Variants in SVEP1 observed in about 807,000 individuals in gnomAD.
SVEP1 encodes sushi, von Willebrand factor type A, EGF and pentraxin domain-containing protein 1.
SVEP1 carries 164 observed loss-of-function variants against 367.3 expected under a neutral mutation model. The ratio of observed to expected loss-of-function variants is 0.45; its 90% CI spans 0.39 to 0.51. SVEP1 has a LOEUF of 0.51. Ranked by LOEUF, SVEP1 falls within the 20% of genes least tolerant of loss-of-function variation. The probability of loss-of-function intolerance (pLI) is 0.00; values close to 1 mark genes in which losing one functional copy is unlikely to be tolerated. For synonymous variants in SVEP1, 1,666 were observed against 1,611.6 expected (o/e 1.03, Z -0.81); for missense variants, 4,117 against 4,425.3 (o/e 0.93, Z 1.98).
intron 1 of SVEP1, among the ~76,000 whole-genome samples, chr9:110,554,277 T>C (rs898355833): frequency 1.3e-5 from 2 of 151,938 alleles, no homozygotes; most frequent in Non-Finnish European, 2.9e-5. Context: ...AGCTTGAGAG[T>C]CTGCTTATGA....
chr9:110,415,729 G>A (rs1177715523), intron 36 of SVEP1, among the ~76,000 whole-genome samples: 2 of 151,896 alleles, frequency 1.3e-5, no homozygotes, highest in East Asian at 1.9e-4. Context: ...AATACTTGAC[G>A]AATTACAACA....
At chr9:110,533,373 C>T (rs901455271) in intron 3 of SVEP1, among the ~76,000 whole-genome samples, 2 of 152,172 alleles carry the variant, frequency 1.3e-5, no homozygotes, top group Non-Finnish European at 2.9e-5. Context: ...GACTAGGAAA[C>T]TCATGTCATA....
chr9:110,438,954 T>C (rs1291299296), intron 27 of SVEP1, among the ~76,000 whole-genome samples: 2 of 152,198 alleles, frequency 1.3e-5, no homozygotes, highest in African/African-American at 2.4e-5. Context: ...ACTCAGTATG[T>C]CGAAAACCAT....
chr9:110,554,375 A>G (rs1462144940), intron 1 of SVEP1, among the ~76,000 whole-genome samples: 1 of 152,206 alleles, frequency 6.6e-6, no homozygotes, highest in Non-Finnish European at 1.5e-5. Flanking sequence ...TGGCAGATAC[A>G]CAAAAATGGA....
At chr9:110,567,655 G>T (rs1267010308) in intron 1 of SVEP1, among the ~76,000 whole-genome samples, 1 of 152,178 alleles carries the variant, frequency 6.6e-6, no homozygotes, top group East Asian at 1.9e-4. Flanking sequence ...TGCTTAGCAG[G>T]CAATAAAGTG....
At chr9:110,394,126 C>T (rs1259207710) in intron 40 of SVEP1, among the ~76,000 whole-genome samples, 1 of 152,066 alleles carries the variant, frequency 6.6e-6, no homozygotes, top group Non-Finnish European at 1.5e-5. Flanking sequence ...CGGACTGACA[C>T]CTCACATGGC....
At chr9:110,490,564 G>A (rs1045325621) in intron 8 of SVEP1, among the ~76,000 whole-genome samples, 1 of 151,834 alleles carries the variant, frequency 6.6e-6, no homozygotes, top group Non-Finnish European at 1.5e-5. Context: ...GCTCTCACCT[G>A]AGATATTTGT....
At chr9:110,383,316 C>T (rs141299821) in intron 43 of SVEP1, among the ~76,000 whole-genome samples, 2 of 152,118 alleles carry the variant, frequency 1.3e-5, no homozygotes, top group African/African-American at 2.4e-5. Flanking sequence ...AACAGTCAGG[C>T]CCCTCTTTTG....
At chr9:110,475,300 C>T (rs1829082125) in intron 14 of SVEP1, among the ~76,000 whole-genome samples, 2 of 152,052 alleles carry the variant, frequency 1.3e-5, no homozygotes, top group Admixed American at 1.3e-4. Flanking sequence ...ATCTCATAAC[C>T]TTCTAAACAC....
At chr9:110,505,283 TAG>T (rs1829606767) in intron 5 of SVEP1, among the ~76,000 whole-genome samples, 1 of 152,184 alleles carries the variant, frequency 6.6e-6, no homozygotes, top group Non-Finnish European at 1.5e-5. Context: ...CAATGTATGT[TAG>T]AGTCCATTTC....
intron 36 of SVEP1, among the ~76,000 whole-genome samples, chr9:110,427,125 CTG>C (rs752018933): frequency 2.0e-5 from 3 of 151,836 alleles, no homozygotes; most frequent in Non-Finnish European, 4.4e-5. Context: ...TGGTGAAACC[CTG>C]TCTCTACTAA....
In SVEP1 at chr9:110,493,741, A is replaced by C. The variant is rs114716186; in HGVS notation, c.1800+3074T>G. Among the ~76,000 whole-genome samples, 1,037 of 152,252 alleles carry C rather than the reference A, an allele frequency of 6.8e-3. 15 individuals are homozygous for C. The highest frequency in any genetic ancestry group is 0.036 in the South Asian group (176 of 4,824). On this transcript the variant is annotated intron_variant, in intron 8 of 47. Coordinates refer to ENST00000374469, the MANE Select transcript of SVEP1 (RefSeq NM_153366.4). ...GCAAGACTCTGTCTCAAACAAACAA[A>C]CAATCAAAAAGCAAAAAACAAACAA...
chr9:110,443,421 TAA>T (rs1361207579), intron 27 of SVEP1, 122 bp downstream of exon 27: 9 of 894,424 alleles, frequency 1.0e-5, no homozygotes, highest in Non-Finnish European at 1.4e-5. Flanking sequence ...GAGTAGGAAA[TAA>T]GAGAGATAGC....
At chr9:110,489,194 G>A (rs1425576887) in intron 9 of SVEP1, among the ~76,000 whole-genome samples, 2 of 152,286 alleles carry the variant, frequency 1.3e-5, no homozygotes, top group South Asian at 4.1e-4. Context: ...TCAGTGACAA[G>A]GGAGTTGTTG....
intron 42 of SVEP1, among the ~76,000 whole-genome samples, chr9:110,387,003 C>T (rs1399419452): frequency 2.0e-5 from 2 of 102,252 alleles, no homozygotes; most frequent in African/African-American, 6.3e-5. Flanking sequence ...CTTTCCTATC[C>T]CCAGTAGAAT....
intron 20 of SVEP1, among the ~76,000 whole-genome samples, 167 bp downstream of exon 20, chr9:110,458,304 A>G (rs1413053407): frequency 6.6e-6 from 1 of 152,214 alleles, no homozygotes; most frequent in East Asian, 1.9e-4. Context: ...CATTTTGGGA[A>G]TGTTCTAAAC....
At chr9:110,465,192 C>A (rs1828915644) in intron 18 of SVEP1, among the ~76,000 whole-genome samples, 2 of 151,968 alleles carry the variant, frequency 1.3e-5, no homozygotes, top group South Asian at 2.1e-4. Flanking sequence ...GGAGGTAAGG[C>A]CTCACAATCT....
chr9:110,390,320 TATACTTATATATACAC>T (rs1168299235), intron 40 of SVEP1, among the ~76,000 whole-genome samples: 2 of 109,144 alleles, frequency 1.8e-5, no homozygotes, highest in Non-Finnish European at 3.7e-5. Flanking sequence ...TATGTGTATA[TATACTTATATATACAC>T]ATACTTATAT....
chr9:110,447,003 T>A lies in SVEP1; in HGVS notation c.4158A>T (p.Glu1386Asp). The change falls in exon 25 of 48, where the codon GAA becomes GAT. Residue 1386 changes from glutamate (E) to aspartate (D), a missense_variant. This residue lies in a region of SVEP1 where 2,174 missense variants were observed against 2,494.3 expected (regional missense o/e 0.87). Coordinates refer to ENST00000374469, the MANE Select transcript of SVEP1 (RefSeq NM_153366.4). ...GATTTCTACATGGATTAGACTGACA[T>A]TCATTGATGTTCAATTCACAGTGTG... ...TGSHCELNIN[E>D]CQSNPCRNQA... The A allele has an allele frequency of 6.5e-7, 1 of 1,543,700 alleles. No individual in the cohort carries two copies. The highest frequency in any genetic ancestry group is 2.5e-5 in the East Asian group (1 of 40,726).
Sources: gnomAD v4.1 joint callset for allele counts (sites outside exome capture counted in the v4.1 genomes callset) on GRCh38, gnomAD v4.1.1 for gene constraint, gnomAD v4.1.1 regional missense constraint, MANE v1.5 for transcripts, NCBI Gene and HGNC (gene_info 2026-07-23, HGNC 2026-07-21) for gene names.